The following FAM184B variants were observed in gnomAD, a reference collection of about 807,000 sequenced individuals.
FAM184B encodes protein FAM184B.
FAM184B carries 111 observed loss-of-function variants against 135.9 expected under a neutral mutation model. The observed-to-expected ratio is 0.82, with a 90% CI of 0.70 to 0.96. The LOEUF is 0.96. Among genes scored for constraint, FAM184B ranks in the 40% least tolerant of loss-of-function variants. FAM184B has a pLI of 0.00. For synonymous variants in FAM184B, 552 were observed against 524.8 expected (o/e 1.05, Z -0.71); for missense variants, 1,375 against 1,323.9 (o/e 1.04, Z -0.60).
intron 5 of FAM184B, among the ~76,000 whole-genome samples, chr4:17,704,751 C>G (rs943640660): frequency 1.3e-5 from 2 of 152,202 alleles, no homozygotes; most frequent in African/African-American, 4.8e-5. Flanking sequence ...GTCAATGACT[C>G]CAGGCCTATA....
chr4:17,661,031 T>C (rs968270189), intron 8 of FAM184B, among the ~76,000 whole-genome samples: 1 of 151,970 alleles, frequency 6.6e-6, no homozygotes, highest in East Asian at 1.9e-4. Context: ...AGAAGCAGCA[T>C]AGGAAGGTGG....
intron 8 of FAM184B, among the ~76,000 whole-genome samples, chr4:17,662,931 C>A (rs1715953285): frequency 6.6e-6 from 1 of 152,050 alleles, no homozygotes; most frequent in Non-Finnish European, 1.5e-5. Flanking sequence ...GAGCCACTCA[C>A]ATATTTTTGT....
intron 5 of FAM184B, among the ~76,000 whole-genome samples, chr4:17,696,538 G>T (rs1343912120): frequency 6.6e-6 from 1 of 152,196 alleles, no homozygotes; most frequent in African/African-American, 2.4e-5. Context: ...TGGAACCATC[G>T]AGTGTGCTCA....
intron 1 of FAM184B, among the ~76,000 whole-genome samples, chr4:17,710,045 G>A (rs1345754496): frequency 6.6e-6 from 1 of 152,166 alleles, no homozygotes; most frequent in Non-Finnish European, 1.5e-5. Context: ...CTGGACCCAG[G>A]CCAGGTGCGG....
intron 11 of FAM184B, among the ~76,000 whole-genome samples, chr4:17,650,126 TTC>T (rs1268737158): frequency 2.0e-5 from 3 of 150,020 alleles, no homozygotes; most frequent in Non-Finnish European, 4.5e-5. Flanking sequence ...CCACTCATTT[TTC>T]TGTCCCTCCA....
chr4:17,744,624 G>A (rs1718119035), intron 1 of FAM184B, among the ~76,000 whole-genome samples: 1 of 151,792 alleles, frequency 6.6e-6, no homozygotes, highest in Non-Finnish European at 1.5e-5. Flanking sequence ...GGAGGCTGAG[G>A]CAGGAGAATA....
rs1447209452 is a variant in FAM184B at position 17,630,278 on chromosome 4, C to T, written c.*2254G>A. The T allele has an allele frequency of 6.6e-6, 1 of 152,136 alleles. No individual in the cohort carries two copies. The highest frequency in any genetic ancestry group is 1.5e-5 in the Non-Finnish European group (1 of 68,022). 9.4% of individuals were successfully genotyped at this position (152,136 alleles called of 1,614,324 possible). On this transcript the variant is annotated 3_prime_UTR_variant, in exon 18 of 18. Transcript: ENST00000265018. Reference sequence around the variant, plus strand: ...TGCTATGTCCTGAATGTTGATGTCCCTTCCAAAATTCATATGTTGGAACCT... The same window carrying T: ...TGCTATGTCCTGAATGTTGATGTCCTTTCCAAAATTCATATGTTGGAACCT...
intron 1 of FAM184B, among the ~76,000 whole-genome samples, chr4:17,734,156 C>T (rs904202959): frequency 6.6e-6 from 1 of 152,184 alleles, no homozygotes; most frequent in African/African-American, 2.4e-5. Context: ...GGATCCCTTC[C>T]TTACACCTTA....
intron 1 of FAM184B, among the ~76,000 whole-genome samples, chr4:17,741,852 T>A (rs901796269): frequency 6.6e-6 from 1 of 152,144 alleles, no homozygotes; most frequent in Admixed American, 6.6e-5. Context: ...TGTGTTTATA[T>A]AATTAAAGAG....
chr4:17,692,909 T>C (rs1237551486), intron 6 of FAM184B, among the ~76,000 whole-genome samples: 1 of 151,978 alleles, frequency 6.6e-6, no homozygotes, highest in African/African-American at 2.4e-5. Flanking sequence ...TTTCTACCAA[T>C]GCAGTCATAA....
Position 17,709,457 on chromosome 4 carries a change from A to G in FAM184B, c.329T>C (p.Leu110Pro), listed in dbSNP as rs1577270675. 1 of 1,528,400 alleles carries G rather than the reference A, an allele frequency of 6.5e-7. No homozygotes were observed. The highest frequency in any genetic ancestry group is 8.8e-7 in the Non-Finnish European group (1 of 1,133,848). The allele number at this position is 1,528,400 out of a possible 1,614,324, so 94.7% of individuals were successfully genotyped here. ...RIQALESALE[L>P]QKRLTEEALA... is the part of the protein sequence containing the mutation. Reference sequence around the variant, plus strand: ...CGCCTCCTCCGTCAGCCTCTTTTGCAGCTCCAGGGCGCTCTCCAGGGCCTG... The same window carrying G: ...CGCCTCCTCCGTCAGCCTCTTTTGCGGCTCCAGGGCGCTCTCCAGGGCCTG... Residue 110 changes from leucine (L) to proline (P), a missense_variant, in exon 2 of 18, where the codon CTG becomes CCG. Transcript: ENST00000265018.
intron 1 of FAM184B, among the ~76,000 whole-genome samples, chr4:17,746,044 T>A (rs1236483025): frequency 6.6e-6 from 1 of 152,102 alleles, no homozygotes; most frequent in Non-Finnish European, 1.5e-5. Context: ...TTGCAATCTC[T>A]GCCTTCAGGG....
chr4:17,674,414 T>C (rs934373941), intron 7 of FAM184B, among the ~76,000 whole-genome samples: 1 of 152,184 alleles, frequency 6.6e-6, no homozygotes, highest in African/African-American at 2.4e-5. Context: ...TTCTAAAAAA[T>C]GTTAACAATC....
intron 10 of FAM184B, among the ~76,000 whole-genome samples, chr4:17,656,209 G>T (rs1332046118): frequency 6.6e-6 from 1 of 152,108 alleles, no homozygotes; most frequent in Non-Finnish European, 1.5e-5. Context: ...AAGGAATAAA[G>T]CTCAGGGATA....
At chr4:17,723,862 C>T (rs190257783) in intron 1 of FAM184B, among the ~76,000 whole-genome samples, 10 of 152,266 alleles carry the variant, frequency 6.6e-5, no homozygotes, top group East Asian at 1.9e-4. Flanking sequence ...GAAAGCGTAG[C>T]GTGCCTGCCA....
chr4:17,721,190 T>A (rs1017231951), intron 1 of FAM184B, among the ~76,000 whole-genome samples: 1 of 151,764 alleles, frequency 6.6e-6, no homozygotes, highest in Non-Finnish European at 1.5e-5. Context: ...GAGACCATCC[T>A]GGCTAACACA....
intron 7 of FAM184B, among the ~76,000 whole-genome samples, chr4:17,683,942 C>T (rs1311554088): frequency 3.3e-5 from 5 of 151,252 alleles, no homozygotes; most frequent in Admixed American, 6.6e-5. Flanking sequence ...TGGGCATGGT[C>T]GTGGGCACCT....
chr4:17,705,237 A>G, intron 4 of FAM184B, 31 bp from the exon 5 acceptor site: 2 of 1,508,124 alleles, frequency 1.3e-6, no homozygotes, highest in South Asian at 1.2e-5. Context: ...TTGTAAAACC[A>G]CTGGGGAGGG....
Position 17,632,588 on chromosome 4 carries a change from G to T in FAM184B, c.3127C>A (p.Gln1043Lys), listed in dbSNP as rs1714988479. Residue 1043 changes from glutamine to lysine, a missense_variant, in exon 18 of 18, where the codon CAG becomes AAG. Physicochemically the swap from Gln to Lys is moderately conservative, Grantham distance 53 (BLOSUM62 1). Coordinates refer to ENST00000265018, the MANE Select transcript of FAM184B (RefSeq NM_015688.2). ...DGETAQAKEVQQKQGSPHQEW... is the reference protein window; with the variant it reads ...DGETAQAKEVKQKQGSPHQEW... ...TGGTGCGGAGAGCCCTGTTTCTGCT[G>T]GACTTCTTTGGCTTGGGCCGTTTCA... 1 of 1,551,460 alleles carries T rather than the reference G, an allele frequency of 6.4e-7. No homozygotes were observed. The highest frequency in any genetic ancestry group is 1.2e-5 in the South Asian group (1 of 84,054).
Sources: gnomAD v4.1 joint callset for allele counts (sites outside exome capture counted in the v4.1 genomes callset) on GRCh38, gnomAD v4.1.1 for gene constraint, MANE v1.5 for transcripts, NCBI Gene and HGNC (gene_info 2026-07-23, HGNC 2026-07-21) for gene names.